NCOA7: variants seen among roughly 807,000 people sequenced by gnomAD.
NCOA7 encodes nuclear receptor coactivator 7.
In NCOA7, 45 loss-of-function variants were observed where a neutral mutation model predicts 104.3. That is an observed-to-expected ratio of 0.43 (90% CI 0.34 to 0.55). NCOA7 has a LOEUF of 0.55. Ranked by LOEUF, NCOA7 falls within the 20% of genes least tolerant of loss-of-function variation. NCOA7 has a pLI of 0.02. For synonymous variants in NCOA7, 398 were observed against 402.3 expected (o/e 0.99, Z 0.13); for missense variants, 1,041 against 1,119.7 (o/e 0.93, Z 1.00).
rs1788397258 is a variant in NCOA7, at chr6:125,930,396, C to T, written c.*1625C>T. On this transcript the variant is annotated 3_prime_UTR_variant, in exon 16 of 16. Coordinates refer to ENST00000392477, the MANE Select transcript of NCOA7 (RefSeq NM_181782.5). ...ATAATAATAATAAAGACTTACTTAACCAATATTATTGATTACCAGACTTTT... is the reference window on the plus strand; with the variant it reads ...ATAATAATAATAAAGACTTACTTAATCAATATTATTGATTACCAGACTTTT... 1 of 152,440 alleles carries T rather than the reference C, an allele frequency of 6.6e-6. No individual in the cohort carries two copies. Among genetic ancestry groups the T allele is most frequent in the South Asian group, 2.1e-4 (1 of 4,818 alleles). 9.4% of individuals were successfully genotyped at this position (152,440 alleles called of 1,614,324 possible).
At chr6:125,886,179 AAAAG>A (rs1784243823) in intron 8 of NCOA7, among the ~76,000 whole-genome samples, 1 of 151,726 alleles carries the variant, frequency 6.6e-6, no homozygotes, top group Non-Finnish European at 1.5e-5. Context: ...AAAAAAAAAA[AAAAG>A]GAAGTTACTA....
chr6:125,861,369 A>G (rs1297709681), intron 3 of NCOA7, among the ~76,000 whole-genome samples: 7 of 152,210 alleles, frequency 4.6e-5, no homozygotes, highest in Admixed American at 4.6e-4. Context: ...AAAGAGCCAA[A>G]GTTATGTTAT....
Position 125,889,697 on chromosome 6 carries a change from G to C in NCOA7, c.1643G>C (p.Gly548Ala). 1.9e-6 allele frequency: 3 copies of C among 1,613,946 alleles called. No individual in the cohort carries two copies. Among genetic ancestry groups the C allele is most frequent in the Non-Finnish European group, 2.5e-6 (3 of 1,179,952 alleles). Residue 548 changes from glycine to alanine, a missense_variant, in exon 9 of 16, where the codon GGA becomes GCA. Around this residue, in one of 2 missense-constraint regions of NCOA7, gnomAD observed 914 missense variants for 942.7 expected, o/e 0.97. Coordinates refer to ENST00000392477, the MANE Select transcript of NCOA7 (RefSeq NM_181782.5). ...TTGCAGAAAACAGAATTAAGTGATG[G>C]AAAAAGTATTGAACCAGGGGGAATA... ...ENLQKTELSDGKSIEPGGIDI... is the reference protein window; with the variant it reads ...ENLQKTELSDAKSIEPGGIDI...
intron 3 of NCOA7, among the ~76,000 whole-genome samples, chr6:125,860,562 G>T (rs1426955940): frequency 6.6e-6 from 1 of 152,128 alleles, no homozygotes; most frequent in Non-Finnish European, 1.5e-5. Flanking sequence ...TGGCCAGGCT[G>T]GTCTCCAACT....
At position 125,920,981 on chromosome 6, in the gene NCOA7, A is replaced by G. The variant is rs1401262706; in HGVS notation, c.2283A>G (p.Thr761=). 2 of 1,613,762 alleles carry G rather than the reference A, an allele frequency of 1.2e-6. No homozygotes were observed. The highest frequency in any genetic ancestry group is 1.7e-6 in the Non-Finnish European group (2 of 1,179,820). ...TVEEAKRRKS[T]CSYYEDEDEE... is the part of the protein sequence containing the mutation. ...AAGAGGCAAAGCGCAGGAAGAGCACATGCAGCTACTATGAAGACGAGGACG... is the reference window on the plus strand; with the variant it reads ...AAGAGGCAAAGCGCAGGAAGAGCACGTGCAGCTACTATGAAGACGAGGACG... The change falls in exon 12 of 16, where the codon ACA becomes ACG. Residue 761 remains threonine (T), a synonymous_variant. Transcript: ENST00000392477.
intron 2 of NCOA7, among the ~76,000 whole-genome samples, chr6:125,826,273 G>A (rs1465673558): frequency 2.0e-5 from 3 of 151,700 alleles, no homozygotes; most frequent in East Asian, 1.9e-4. Context: ...GTTGCAGTGA[G>A]TGAGCCAAGA....
rs1775671859 is a variant in NCOA7, at chr6:125,799,444, T to C, written c.-65+8377T>C. ...GGCTTACTTTATTGCTTAGTTGTTCTTTTTTTTTTTTTTTTGATAGAATCT... is the reference window on the plus strand; with the variant it reads ...GGCTTACTTTATTGCTTAGTTGTTCCTTTTTTTTTTTTTTTGATAGAATCT... On this transcript the variant is annotated intron_variant, in intron 1 of 15. Coordinates refer to ENST00000392477, the MANE Select transcript of NCOA7 (RefSeq NM_181782.5). Among the ~76,000 whole-genome samples the C allele has an allele frequency of 1.4e-4, 3 of 22,102 alleles. No individual in the cohort carries two copies. In the Admixed American group the frequency reaches 3.6e-3, roughly 26 times the overall value. 14.5% of individuals were successfully genotyped at this position (22,102 alleles called of 152,430 possible).
At chr6:125,868,650 A>T (rs138078233) in intron 3 of NCOA7, among the ~76,000 whole-genome samples, 15 of 152,384 alleles carry the variant, frequency 9.8e-5, no homozygotes, top group African/African-American at 3.6e-4. Flanking sequence ...TGCTTCAGCA[A>T]TCATAGTTGA....
intron 2 of NCOA7, among the ~76,000 whole-genome samples, chr6:125,827,294 A>G (rs563294605): frequency 1.3e-5 from 2 of 152,110 alleles, no homozygotes; most frequent in African/African-American, 4.8e-5. Flanking sequence ...ATGCTCCCAC[A>G]ATAATAACAT....
At chr6:125,796,294 T>A (rs1012204157) in intron 1 of NCOA7, among the ~76,000 whole-genome samples, 3 of 151,854 alleles carry the variant, frequency 2.0e-5, no homozygotes, top group Non-Finnish European at 4.4e-5. Flanking sequence ...AAATTAGGGT[T>A]GAAGATTTTA....
intron 11 of NCOA7, chr6:125,919,391 T>A: frequency 6.2e-7 from 1 of 1,612,762 alleles, no homozygotes; most frequent in South Asian, 1.1e-5. Context: ...GACATCCAGA[T>A]TTTCTATTGT....
At chr6:125,888,127 A>G (rs1784384857) in intron 8 of NCOA7, among the ~76,000 whole-genome samples, 1 of 152,202 alleles carries the variant, frequency 6.6e-6, no homozygotes, top group Non-Finnish European at 1.5e-5. Context: ...TCTGTTATTA[A>G]GGAAAAATAA....
At chr6:125,829,664 T>C (rs1420361335) in intron 2 of NCOA7, among the ~76,000 whole-genome samples, 1 of 130,084 alleles carries the variant, frequency 7.7e-6, no homozygotes, top group African/African-American at 2.9e-5. Flanking sequence ...AAATTTCTTT[T>C]CCTGCATTCA....
At chr6:125,840,671 G>C (rs555501011) in intron 2 of NCOA7, among the ~76,000 whole-genome samples, 1 of 150,534 alleles carries the variant, frequency 6.6e-6, no homozygotes, top group Non-Finnish European at 1.5e-5. Context: ...ATGCCACCAT[G>C]CCTGGCTAAA....
intron 3 of NCOA7, among the ~76,000 whole-genome samples, chr6:125,864,171 G>A (rs72969771): frequency 0.083 from 11,391 of 137,170 alleles, 2,161 homozygotes; most frequent in Non-Finnish European, 0.11. Context: ...GTTTAAAGTA[G>A]CAGGAATATG....
At chr6:125,898,655 A>G (rs1374106014) in intron 10 of NCOA7, among the ~76,000 whole-genome samples, 1 of 152,186 alleles carries the variant, frequency 6.6e-6, no homozygotes, top group Non-Finnish European at 1.5e-5. Context: ...TCATTCCCAC[A>G]AAAATATCTT....
intron 1 of NCOA7, among the ~76,000 whole-genome samples, chr6:125,809,250 G>A (rs1440955292): frequency 6.6e-6 from 1 of 151,954 alleles, no homozygotes; most frequent in Non-Finnish European, 1.5e-5. Context: ...GTGCAGTGGT[G>A]CAATCTAGGC....
At chr6:125,782,387 C>T (rs1219280531) in intron 1 of NCOA7, among the ~76,000 whole-genome samples, 1 of 152,192 alleles carries the variant, frequency 6.6e-6, no homozygotes, top group Non-Finnish European at 1.5e-5. Flanking sequence ...TATGCATCTA[C>T]TAAGAGCAAT....
At chr6:125,871,772 G>GGA (rs1227072649) in intron 3 of NCOA7, among the ~76,000 whole-genome samples, 1 of 152,164 alleles carries the variant, frequency 6.6e-6, no homozygotes, top group African/African-American at 2.4e-5. Context: ...AAGGCGGGCA[G>GGA]ATCACTTGAG....
Sources: allele counts gnomAD v4.1 joint callset (sites outside exome capture counted in the v4.1 genomes callset), GRCh38; gene constraint gnomAD v4.1.1; regional missense constraint gnomAD v4.1.1; transcripts MANE v1.5; gene names NCBI Gene and HGNC (gene_info 2026-07-23, HGNC 2026-07-21).